Variants in VWC2L observed in about 807,000 individuals in gnomAD.
The protein encoded by VWC2L is von Willebrand factor C domain containing 2 like, also known as von Willebrand factor C domain-containing protein 2-like.
In VWC2L, 10 loss-of-function variants were observed where a neutral mutation model predicts 21.6. The ratio of observed to expected loss-of-function variants is 0.46; its 90% CI spans 0.29 to 0.78. The LOEUF (loss-of-function observed/expected upper bound fraction) is 0.78, where lower values mean the gene tolerates loss of function less well. Among genes scored for constraint, VWC2L ranks in the 30% least tolerant of loss-of-function variants. The pLI, the probability that VWC2L is intolerant of heterozygous loss-of-function variation, is 0.10. For synonymous variants in VWC2L, 96 were observed against 94.3 expected (o/e 1.02, Z -0.10); for missense variants, 209 against 277.1 (o/e 0.75, Z 1.74).
At chr2:214,557,723 CAG>C (rs986907291) in intron 3 of VWC2L, among the ~76,000 whole-genome samples, 26 of 152,224 alleles carry the variant, frequency 1.7e-4, no homozygotes, top group African/African-American at 6.0e-4. Flanking sequence ...AATTATCAGA[CAG>C]AAATTATTTC....
intron 3 of VWC2L, among the ~76,000 whole-genome samples, chr2:214,492,577 T>C (rs886863985): frequency 2.6e-5 from 4 of 152,192 alleles, no homozygotes; most frequent in Non-Finnish European, 5.9e-5. Context: ...ATATCTAGGA[T>C]TGGTGAGGAC....
At chr2:214,550,239 G>T (rs1689772145) in intron 3 of VWC2L, among the ~76,000 whole-genome samples, 1 of 152,138 alleles carries the variant, frequency 6.6e-6, no homozygotes, top group African/African-American at 2.4e-5. Context: ...AAGGTCAGTG[G>T]AATTTCAACC....
chr2:214,565,608 T>C (rs1690050654), intron 3 of VWC2L, among the ~76,000 whole-genome samples: 1 of 152,304 alleles, frequency 6.6e-6, no homozygotes, highest in South Asian at 2.1e-4. Flanking sequence ...ATGAACAAGA[T>C]TAATTTCTTC....
rs1026085192 is a variant in VWC2L at position 214,482,827 on chromosome 2, G to T, written c.520+46069G>T. Among the ~76,000 whole-genome samples the T allele has an allele frequency of 5.9e-5, 9 of 152,020 alleles. 1 individual carries two copies. Among genetic ancestry groups the T allele is most frequent in the African/African-American group, 2.2e-4 (9 of 41,406 alleles). On this transcript the variant is annotated intron_variant, in intron 3 of 3. Coordinates refer to ENST00000312504, the MANE Select transcript of VWC2L (RefSeq NM_001080500.4). ...CAGTCTACTTGATAGCCAGTTTGAT[G>T]TTTGAATTTTTCCCCCTATTTCTCC...
intron 2 of VWC2L, among the ~76,000 whole-genome samples, chr2:214,419,862 C>G (rs1702409753): frequency 6.6e-6 from 1 of 152,062 alleles, no homozygotes; most frequent in Non-Finnish European, 1.5e-5. Context: ...AAAAGGGGAC[C>G]CGCCTGGCCA....
chr2:214,549,634 G>A (rs903244791), intron 3 of VWC2L, among the ~76,000 whole-genome samples: 3 of 152,184 alleles, frequency 2.0e-5, no homozygotes, highest in African/African-American at 4.8e-5. Context: ...TTAGCCGGGC[G>A]TGGTGGTGTA....
intron 3 of VWC2L, among the ~76,000 whole-genome samples, chr2:214,476,980 T>G (rs1489957461): frequency 6.6e-6 from 1 of 152,148 alleles, no homozygotes; most frequent in Non-Finnish European, 1.5e-5. Flanking sequence ...TTTAGAACCC[T>G]ACACTCAGGA....
chr2:214,563,803 C>G (rs969285000), intron 3 of VWC2L, among the ~76,000 whole-genome samples: 2 of 152,080 alleles, frequency 1.3e-5, no homozygotes, highest in African/African-American at 4.8e-5. Context: ...CCTCTCCCAC[C>G]ACTCCTATTT....
At chr2:214,462,722 G>A (rs1703160774) in intron 3 of VWC2L, among the ~76,000 whole-genome samples, 1 of 151,998 alleles carries the variant, frequency 6.6e-6, no homozygotes, top group African/African-American at 2.4e-5. Context: ...GTTTCTTAAG[G>A]TAGGATATAG....
chr2:214,458,848 T>G (rs1018891921), intron 3 of VWC2L, among the ~76,000 whole-genome samples: 4 of 152,226 alleles, frequency 2.6e-5, no homozygotes, highest in African/African-American at 9.6e-5. Flanking sequence ...ATATGGTCTA[T>G]CCCAAAGAAT....
At chr2:214,482,476 C>T (rs1212058008) in intron 3 of VWC2L, among the ~76,000 whole-genome samples, 7 of 148,878 alleles carry the variant, frequency 4.7e-5, no homozygotes, top group South Asian at 2.1e-4. Flanking sequence ...CACATATATA[C>T]GTGTATGTAT....
At chr2:214,497,798 C>T (rs1339411454) in intron 3 of VWC2L, among the ~76,000 whole-genome samples, 1 of 152,184 alleles carries the variant, frequency 6.6e-6, no homozygotes, top group Non-Finnish European at 1.5e-5. Flanking sequence ...CAAACTTCTT[C>T]CCCAAATATT....
At chr2:214,527,076 A>C (rs1689351538) in intron 3 of VWC2L, among the ~76,000 whole-genome samples, 1 of 152,178 alleles carries the variant, frequency 6.6e-6, no homozygotes, top group South Asian at 2.1e-4. Flanking sequence ...CATAAAAAAG[A>C]ACAACATTGT....
chr2:214,445,133 G>C (rs533515155), intron 3 of VWC2L, among the ~76,000 whole-genome samples: 1 of 151,970 alleles, frequency 6.6e-6, no homozygotes, highest in East Asian at 1.9e-4. Context: ...AAGGTAAAAT[G>C]TAACAAGCAT....
intron 3 of VWC2L, among the ~76,000 whole-genome samples, chr2:214,458,804 T>C (rs139870720): frequency 0.018 from 2,742 of 152,314 alleles, 32 homozygotes; most frequent in Non-Finnish European, 0.028. Flanking sequence ...TTTTGAATTT[T>C]AAAAATGTGT....
rs117420862 is a variant in VWC2L at position 214,527,299 on chromosome 2, C to T, written c.521-48373C>T. 3.5e-4 allele frequency among the ~76,000 whole-genome samples: 54 copies of T among 152,182 alleles called. 2 individuals are homozygous for T. In the East Asian group the frequency reaches 8.3e-3, roughly 23 times the overall value. ...TCAAAACACTATCAGTTACTATGCT[C>T]GCTACCTGGTTGACAGGATCATTTG... On this transcript the variant is annotated intron_variant, in intron 3 of 3. Transcript: ENST00000312504.
At position 214,481,722 on chromosome 2, in the gene VWC2L, T is replaced by TA. The variant is rs146112816; in HGVS notation, c.520+44966dup. Among the ~76,000 whole-genome samples, 1,272 of 152,344 alleles carry TA rather than the reference T, an allele frequency of 8.3e-3. 20 individuals carry two copies. Among genetic ancestry groups the TA allele is most frequent in the African/African-American group, 0.029 (1,198 of 41,574 alleles). The stretch of plus-strand genomic sequence containing the variant: ...TACACAAATTCTATAGTCCTGATGT[T>TA]AAGCTGCATTACAAATACTGAAATA... On this transcript the variant is annotated intron_variant, in intron 3 of 3. Transcript: ENST00000312504.
intron 3 of VWC2L, among the ~76,000 whole-genome samples, chr2:214,446,401 C>T (rs867325893): frequency 3.9e-5 from 6 of 152,246 alleles, no homozygotes; most frequent in Middle Eastern, 3.4e-3. Flanking sequence ...CATAAAGCTT[C>T]CTCCAAAATA....
chr2:214,506,388 C>G (rs1273303515), intron 3 of VWC2L, among the ~76,000 whole-genome samples: 1 of 152,126 alleles, frequency 6.6e-6, no homozygotes, highest in East Asian at 1.9e-4. Flanking sequence ...CGAAGAAATA[C>G]AAATCAAATT....
Sources: allele counts gnomAD v4.1 joint callset (sites outside exome capture counted in the v4.1 genomes callset), GRCh38; gene constraint gnomAD v4.1.1; transcripts MANE v1.5; gene names NCBI Gene and HGNC (gene_info 2026-07-23, HGNC 2026-07-21).